Variants in FGF14 observed in about 807,000 individuals in gnomAD.
The protein encoded by FGF14 is fibroblast growth factor 14, also known as fibroblast growth factor homologous factor 4.
A neutral mutation model predicts 25.5 loss-of-function variants in FGF14; 5 were observed. That is an observed-to-expected ratio of 0.20 (90% CI 0.10 to 0.41). The LOEUF is 0.41. Ranked by LOEUF, FGF14 falls within the 10% of genes least tolerant of loss-of-function variation. The pLI, the probability that FGF14 is intolerant of heterozygous loss-of-function variation, is 1.00. For missense variants in FGF14, 222 were observed against 320.1 expected (o/e 0.69, Z 2.34); for synonymous variants, 138 against 118.3 (o/e 1.17, Z -1.08).
At chr13:101,888,446 ATGTG>A (rs140919969) in intron 1 of FGF14, among the ~76,000 whole-genome samples, 5 of 151,862 alleles carry the variant, frequency 3.3e-5, no homozygotes, top group Non-Finnish European at 7.4e-5. Flanking sequence ...ATATACATGA[ATGTG>A]TGTGTGTGTG....
At position 101,726,865 on chromosome 13, in the gene FGF14, C is replaced by G. The variant is rs1221668039; in HGVS notation, c.409-55G>C. The G allele has an allele frequency of 8.5e-6, 11 of 1,295,422 alleles. No individual in the cohort carries two copies. The Admixed American group carries it at 2.1e-4, about 25-fold the overall frequency. The allele number at this position is 1,295,422 out of a possible 1,614,324, so 80.2% of individuals were successfully genotyped here. On this transcript the variant is annotated intron_variant, in intron 3 of 4. Transcript: ENST00000376143. ...AGGAAGGAACTTGATCTTCACTGTA[C>G]ATTCTACTCATTCTCTAGAAAGTTT...
At chr13:101,877,743 G>A (rs371291175) in intron 1 of FGF14, among the ~76,000 whole-genome samples, 12 of 152,136 alleles carry the variant, frequency 7.9e-5, no homozygotes, top group Non-Finnish European at 1.6e-4. Context: ...AAGCAGTAAC[G>A]CAAAGGTTAG....
intron 1 of FGF14, among the ~76,000 whole-genome samples, chr13:101,934,846 C>T (rs2034996883): frequency 6.6e-6 from 1 of 152,128 alleles, no homozygotes; most frequent in African/African-American, 2.4e-5. Flanking sequence ...TCCATGGTTC[C>T]CACTGTTACA....
intron 1 of FGF14, among the ~76,000 whole-genome samples, chr13:102,119,591 C>T (rs1251568043): frequency 6.6e-6 from 1 of 152,172 alleles, no homozygotes; most frequent in Non-Finnish European, 1.5e-5. Flanking sequence ...ATGTCTGCAG[C>T]TTCCCTTCAA....
intron 3 of FGF14, among the ~76,000 whole-genome samples, chr13:101,800,616 T>G (rs551744076): frequency 6.6e-5 from 10 of 152,190 alleles, no homozygotes; most frequent in Non-Finnish European, 1.3e-4. Flanking sequence ...AAAATTGAAA[T>G]TAAATGTATC....
At chr13:102,401,771 C>G in exon 1 of FGF14, 1 of 1,095,040 alleles carries the variant, frequency 9.1e-7, no homozygotes, top group Non-Finnish European at 1.4e-6. Context: ...TTGTTTTCGG[C>G]CAGGGTGAAT....
chr13:101,824,297 T>C (rs2042299201), intron 3 of FGF14, among the ~76,000 whole-genome samples: 1 of 152,208 alleles, frequency 6.6e-6, no homozygotes, highest in Admixed American at 6.5e-5. Flanking sequence ...TTTCAACCGT[T>C]TGAATATGAT....
chr13:101,726,002 C>T (rs915054532), intron 4 of FGF14, among the ~76,000 whole-genome samples: 1 of 151,816 alleles, frequency 6.6e-6, no homozygotes, highest in Non-Finnish European at 1.5e-5. Context: ...TTCCTGCACA[C>T]AAATGAATGT....
At chr13:102,202,472 C>T (rs1298855997) in intron 1 of FGF14, among the ~76,000 whole-genome samples, 1 of 152,132 alleles carries the variant, frequency 6.6e-6, no homozygotes, top group African/African-American at 2.4e-5. Flanking sequence ...ATGGCCAGGG[C>T]AGAAGGAGGA....
At chr13:102,275,506 T>C (rs1335051788) in intron 1 of FGF14, among the ~76,000 whole-genome samples, 1 of 152,166 alleles carries the variant, frequency 6.6e-6, no homozygotes, top group African/African-American at 2.4e-5. Context: ...GAAAAGATGA[T>C]AAAAATGAAT....
chr13:102,314,965 CA>C (rs759157186), intron 1 of FGF14, among the ~76,000 whole-genome samples: 224 of 148,624 alleles, frequency 1.5e-3, no homozygotes, highest in Middle Eastern at 7.1e-3. Flanking sequence ...TATTATATAA[CA>C]TATACATTAT....
intron 1 of FGF14, among the ~76,000 whole-genome samples, chr13:102,357,123 G>GTTTTT (rs5806298): frequency 6.9e-6 from 1 of 144,836 alleles, no homozygotes. Context: ...CCATTATAAT[G>GTTTTT]TTTTTTTTTT....
At chr13:102,352,101 C>T (rs531382558) in intron 1 of FGF14, among the ~76,000 whole-genome samples, 1 of 152,274 alleles carries the variant, frequency 6.6e-6, no homozygotes, top group East Asian at 1.9e-4. Flanking sequence ...AAAGGAGATA[C>T]ACCTCATATT....
intron 1 of FGF14, among the ~76,000 whole-genome samples, chr13:102,026,057 C>T (rs994073123): frequency 1.3e-5 from 2 of 151,852 alleles, no homozygotes; most frequent in African/African-American, 4.8e-5. Flanking sequence ...TCAGTCTTTC[C>T]TAATTTAGTC....
intron 1 of FGF14, among the ~76,000 whole-genome samples, chr13:102,336,985 C>T (rs1319660541): frequency 3.3e-5 from 5 of 152,128 alleles, no homozygotes; most frequent in Non-Finnish European, 7.3e-5. Context: ...CACTCAAAAG[C>T]CTTGATGGAG....
At chr13:102,169,588 T>C (rs1267591103) in intron 1 of FGF14, among the ~76,000 whole-genome samples, 1 of 152,182 alleles carries the variant, frequency 6.6e-6, no homozygotes, top group South Asian at 2.1e-4. Context: ...AATTCAATTA[T>C]TTAAAGTTAC....
intron 1 of FGF14, among the ~76,000 whole-genome samples, chr13:101,993,803 T>G (rs895599019): frequency 4.0e-5 from 6 of 151,508 alleles, no homozygotes; most frequent in Non-Finnish European, 7.4e-5. Flanking sequence ...GCAAAGAAAA[T>G]CTATGAAAGA....
intron 1 of FGF14, chr13:102,299,768 G>A (rs1056143671): frequency 1.3e-5 from 2 of 152,030 alleles, no homozygotes; most frequent in African/African-American, 2.4e-5. Context: ...CACAATATGA[G>A]GAAATAAGCA....
chr13:102,059,166 A>G (rs886679546), intron 1 of FGF14, among the ~76,000 whole-genome samples: 7 of 152,176 alleles, frequency 4.6e-5, no homozygotes, highest in Non-Finnish European at 8.8e-5. Flanking sequence ...TGAAGAAGGA[A>G]ATGTCCTCTG....
Sources: gnomAD v4.1 joint callset for allele counts (sites outside exome capture counted in the v4.1 genomes callset) on GRCh38, gnomAD v4.1.1 for gene constraint, MANE v1.5 for transcripts, NCBI Gene and HGNC (gene_info 2026-07-23, HGNC 2026-07-21) for gene names.